TOX3: variants seen among roughly 807,000 people sequenced by gnomAD.
TOX3 encodes CAG trinucleotide repeat-containing gene F9 protein.
Under a neutral mutation model 64.3 loss-of-function variants are expected in TOX3, and 22 were observed. That is an observed-to-expected ratio of 0.34 (90% CI 0.24 to 0.49). TOX3 has a LOEUF of 0.49. TOX3 is among the 20% of genes least tolerant of loss of function. TOX3 has a pLI of 0.99. For missense variants in TOX3, 661 were observed against 714.4 expected (o/e 0.93, Z 0.85); for synonymous variants, 291 against 273.6 (o/e 1.06, Z -0.63).
intron 1 of TOX3, among the ~76,000 whole-genome samples, chr16:52,477,131 G>T (rs1298320670): frequency 1.3e-5 from 2 of 152,090 alleles, no homozygotes; most frequent in African/African-American, 4.8e-5. Flanking sequence ...AAGAAAGAAG[G>T]CAGACAGAGG....
At position 52,545,222 on chromosome 16, in the gene TOX3, C is replaced by T. The variant is rs186683885; in HGVS notation, c.87+1415G>A. On this transcript the variant is annotated intron_variant, in intron 1 of 6. Coordinates refer to ENST00000219746, the MANE Select transcript of TOX3 (RefSeq NM_001080430.4). ...TTCTTGCCTCTCTATAAATGCTTAG[C>T]GTAGCCCTTAGAATTCGGAGAGCAG... Among the ~76,000 whole-genome samples the T allele has an allele frequency of 1.3e-4, 20 of 152,296 alleles. No individual in the cohort carries two copies. In the South Asian group the frequency reaches 2.1e-3, roughly 16 times the overall value.
At chr16:52,498,714 A>G (rs2037435197) in intron 1 of TOX3, among the ~76,000 whole-genome samples, 1 of 152,230 alleles carries the variant, frequency 6.6e-6, no homozygotes, top group Admixed American at 6.5e-5. Context: ...ACAAAGAGAC[A>G]TTCAGTGTAA....
chr16:52,461,531 CTG>C (rs1649408308), intron 3 of TOX3, among the ~76,000 whole-genome samples: 1 of 152,048 alleles, frequency 6.6e-6, no homozygotes, highest in African/African-American at 2.4e-5. Context: ...ATGTGACAAA[CTG>C]TCACTCTTTC....
chr16:52,463,862 T>C (rs893076499), intron 3 of TOX3, 72 bp downstream of exon 3: 15 of 1,455,836 alleles, frequency 1.0e-5, no homozygotes, highest in East Asian at 2.5e-5. Context: ...TTTCAGAACA[T>C]GGACTCTCAG....
chr16:52,477,660 ACTTGCTAGGGGTCATTGTGTACAAG>A (rs1256433297), intron 1 of TOX3, among the ~76,000 whole-genome samples: 19 of 152,210 alleles, frequency 1.2e-4, no homozygotes, highest in South Asian at 8.3e-4. Flanking sequence ...CAGCTGAACT[ACTTGCTAGGGGTCATTGTGTACAAG>A]CTTGCTAGGG....
intron 6 of TOX3, among the ~76,000 whole-genome samples, chr16:52,442,165 C>G (rs1017811567): frequency 1.3e-5 from 2 of 152,268 alleles, no homozygotes; most frequent in East Asian, 3.9e-4. Flanking sequence ...TGCCTGCCTT[C>G]TTGTTCCTTT....
chr16:52,522,130 T>C (rs915324584), intron 1 of TOX3, among the ~76,000 whole-genome samples: 3 of 151,998 alleles, frequency 2.0e-5, no homozygotes, highest in East Asian at 2.0e-4. Flanking sequence ...TAGTATTCCA[T>C]GTAAGCTACA....
At chr16:52,531,801 T>A (rs556542996) in intron 1 of TOX3, among the ~76,000 whole-genome samples, 4 of 151,976 alleles carry the variant, frequency 2.6e-5, no homozygotes, top group African/African-American at 9.7e-5. Context: ...ATAGATTCCA[T>A]TGAAGGTGAG....
At chr16:52,508,738 A>T (rs1962226117) in intron 1 of TOX3, among the ~76,000 whole-genome samples, 1 of 152,176 alleles carries the variant, frequency 6.6e-6, no homozygotes, top group Admixed American at 6.5e-5. Context: ...AAGCGCACAG[A>T]GAGAACTTCA....
In TOX3 at chr16:52,446,224, G is replaced by A. The variant is rs763590952; in HGVS notation, c.679-3C>T. On this transcript the variant is annotated splice_region_variant and splice_polypyrimidine_tract_variant and intron_variant, in intron 4 of 6. Transcript: ENST00000219746. ...GCAGCTCTTTTCTCTCCAATGGCCTGCAAAGCAGGAAGAAAATTCACTGCC... is the reference window on the plus strand; with the variant it reads ...GCAGCTCTTTTCTCTCCAATGGCCTACAAAGCAGGAAGAAAATTCACTGCC... 6.2e-7 allele frequency: 1 copy of A among 1,611,626 alleles called. No individual in the cohort carries two copies. Among genetic ancestry groups the A allele is most frequent in the East Asian group, 2.2e-5 (1 of 44,858 alleles).
chr16:52,523,143 C>G (rs910820086), intron 1 of TOX3, among the ~76,000 whole-genome samples: 1 of 152,152 alleles, frequency 6.6e-6, no homozygotes, highest in Non-Finnish European at 1.5e-5. Context: ...AAAGTCCTCC[C>G]TGAGAAAAGG....
chr16:52,450,132 G>A, intron 4 of TOX3, 145 bp downstream of exon 4: 1 of 972,746 alleles, frequency 1.0e-6, no homozygotes, highest in Non-Finnish European at 1.5e-6. Context: ...ATGAAAGAGT[G>A]AAGAAAAACA....
intron 2 of TOX3, among the ~76,000 whole-genome samples, chr16:52,466,368 C>G (rs1960863530): frequency 6.6e-6 from 1 of 152,024 alleles, no homozygotes; most frequent in South Asian, 2.1e-4. Flanking sequence ...GGACAATATC[C>G]ATGTGAAGGG....
At chr16:52,510,176 A>G (rs902913493) in intron 1 of TOX3, among the ~76,000 whole-genome samples, 1 of 152,022 alleles carries the variant, frequency 6.6e-6, no homozygotes, top group Non-Finnish European at 1.5e-5. Context: ...ACTACTTACA[A>G]GATAAAAGGC....
intron 1 of TOX3, among the ~76,000 whole-genome samples, chr16:52,468,888 A>G (rs1170029317): frequency 6.6e-6 from 1 of 152,242 alleles, no homozygotes; most frequent in South Asian, 2.1e-4. Context: ...GTGAGAGGTG[A>G]GAGGGAAAAG....
intron 1 of TOX3, among the ~76,000 whole-genome samples, chr16:52,538,303 A>C (rs757378717): frequency 6.6e-6 from 1 of 152,304 alleles, no homozygotes; most frequent in East Asian, 1.9e-4. Context: ...TTTTCTAGTC[A>C]GGTCAGCATT....
intron 6 of TOX3, among the ~76,000 whole-genome samples, chr16:52,442,808 C>T (rs988514277): frequency 6.6e-6 from 1 of 152,134 alleles, no homozygotes; most frequent in African/African-American, 2.4e-5. Flanking sequence ...ACAAACCAAA[C>T]CCTAGTATTT....
At chr16:52,443,966 C>G (rs146738802) in intron 6 of TOX3, among the ~76,000 whole-genome samples, 128 of 152,258 alleles carry the variant, frequency 8.4e-4, no homozygotes, top group African/African-American at 3.0e-3. Context: ...ACAGAGGACA[C>G]TAGCACAGGT....
intron 1 of TOX3, among the ~76,000 whole-genome samples, chr16:52,499,592 T>A (rs993224835): frequency 1.3e-5 from 2 of 152,238 alleles, no homozygotes; most frequent in Non-Finnish European, 2.9e-5. Context: ...GGACTTTTTT[T>A]AGACATGGCT....
Sources: allele counts gnomAD v4.1 joint callset (sites outside exome capture counted in the v4.1 genomes callset), GRCh38; gene constraint gnomAD v4.1.1; transcripts MANE v1.5; gene names NCBI Gene and HGNC (gene_info 2026-07-23, HGNC 2026-07-21).